The following AK5 variants were observed in gnomAD, a reference collection of about 807,000 sequenced individuals.
AK5 encodes adenylate kinase isoenzyme 5.
In AK5, 27 loss-of-function variants were observed where a neutral mutation model predicts 69.5. The observed-to-expected ratio is 0.39, with a 90% confidence interval of 0.29 to 0.54. The LOEUF (loss-of-function observed/expected upper bound fraction) is 0.54. Among genes scored for constraint, AK5 ranks in the 20% least tolerant of loss-of-function variants. The pLI is 0.71. For synonymous variants in AK5, 260 were observed against 244.4 expected (o/e 1.06, Z -0.60); for missense variants, 531 against 700.4 (o/e 0.76, Z 2.73).
chr1:77,545,147 A>T (rs542978512), intron 13 of AK5, among the ~76,000 whole-genome samples: 1 of 152,312 alleles, frequency 6.6e-6, no homozygotes, highest in East Asian at 1.9e-4. Context: ...AATGCCCTTC[A>T]CAACCTTGCC....
chr1:77,417,127 G>A (rs1024447925), intron 7 of AK5, among the ~76,000 whole-genome samples: 17 of 152,168 alleles, frequency 1.1e-4, no homozygotes, highest in Admixed American at 3.3e-4. Flanking sequence ...GGAAAAACTC[G>A]AGTTTTCAGG....
chr1:77,541,622 A>AT, intron 13 of AK5, among the ~76,000 whole-genome samples: 1 of 152,210 alleles, frequency 6.6e-6, no homozygotes. Context: ...GAACTTCATT[A>AT]TAAGGTTAGA....
rs148203450 is a variant in AK5 at position 77,503,637 on chromosome 1, C to G, written c.1148-14927C>G. On this transcript the variant is annotated intron_variant, in intron 10 of 13. Transcript: ENST00000354567. ...GGGGTGGAGGCCGGGCACAGTGGCTCAAACCTATAATCCCAGCACTTTGGG... is the reference window on the plus strand; with the variant it reads ...GGGGTGGAGGCCGGGCACAGTGGCTGAAACCTATAATCCCAGCACTTTGGG... 6.1e-3 allele frequency among the ~76,000 whole-genome samples: 921 copies of G among 152,220 alleles called. 7 individuals carry two copies. The highest frequency in any genetic ancestry group is 0.021 in the African/African-American group (856 of 41,520).
intron 6 of AK5, among the ~76,000 whole-genome samples, chr1:77,382,161 C>A (rs1250147453): frequency 6.6e-6 from 1 of 151,684 alleles, no homozygotes; most frequent in Non-Finnish European, 1.5e-5. Flanking sequence ...TCCTTTCAAT[C>A]GTTTTCCCAT....
intron 5 of AK5, among the ~76,000 whole-genome samples, chr1:77,328,653 A>G (rs1264541226): frequency 1.3e-5 from 2 of 152,242 alleles, no homozygotes; most frequent in African/African-American, 2.4e-5. Context: ...TTTTAATGAT[A>G]TATTTTTGAA....
rs1426524279 is a variant in AK5, at chr1:77,444,351, T to TA, written c.1059+26636_1059+26637insA. Among the ~76,000 whole-genome samples, 4 of 56,904 alleles carry TA rather than the reference T, an allele frequency of 7.0e-5. 1 individual carries two copies. The highest frequency in any genetic ancestry group is 1.5e-4 in the African/African-American group (2 of 13,552). 37.3% of individuals were successfully genotyped at this position (56,904 alleles called of 152,430 possible). A position where few individuals can be genotyped will look rare whatever the true frequency, so the allele number is the denominator to read the frequency against. ...ATATATAGTATATATACACAATATA[T>TA]GTGTATATATAGTATAAATATATAC... On this transcript the variant is annotated intron_variant, in intron 8 of 13. Transcript: ENST00000354567.
chr1:77,477,727 T>C (rs918549475), intron 8 of AK5, among the ~76,000 whole-genome samples: 2 of 152,212 alleles, frequency 1.3e-5, no homozygotes, highest in Admixed American at 1.3e-4. Context: ...TTTTGCAGCA[T>C]TCATTTGTGA....
intron 10 of AK5, among the ~76,000 whole-genome samples, chr1:77,503,777 C>T (rs953077720): frequency 5.9e-5 from 9 of 151,954 alleles, no homozygotes; most frequent in East Asian, 5.8e-4. Context: ...TGGTGGCGGG[C>T]GCCTGCAATC....
intron 6 of AK5, among the ~76,000 whole-genome samples, chr1:77,365,685 C>T (rs751881353): frequency 3.9e-5 from 6 of 152,204 alleles, no homozygotes; most frequent in Non-Finnish European, 8.8e-5. Context: ...AATGGCACTG[C>T]TGATCTGACA....
intron 8 of AK5, among the ~76,000 whole-genome samples, chr1:77,419,840 AT>A (rs1337804307): frequency 1.3e-5 from 2 of 152,158 alleles, no homozygotes; most frequent in Non-Finnish European, 2.9e-5. Flanking sequence ...ATAGTTGAGA[AT>A]TTTACAGAGA....
At chr1:77,548,297 T>G (rs1001961872) in intron 13 of AK5, among the ~76,000 whole-genome samples, 1 of 152,186 alleles carries the variant, frequency 6.6e-6, no homozygotes, top group African/African-American at 2.4e-5. Flanking sequence ...AGGAGAACTG[T>G]GTGGCCTGAC....
intron 12 of AK5, among the ~76,000 whole-genome samples, chr1:77,529,334 G>GTTTTTTTTTTTTTTTTT (rs935476152): frequency 3.9e-4 from 54 of 138,016 alleles, no homozygotes; most frequent in African/African-American, 1.4e-3. Context: ...CGTTTTATAG[G>GTTTTTTTTTTTTTTTTT]TTTTTTTTTT....
At chr1:77,530,920 G>A (rs1330515611) in intron 12 of AK5, among the ~76,000 whole-genome samples, 1 of 152,110 alleles carries the variant, frequency 6.6e-6, no homozygotes, top group Non-Finnish European at 1.5e-5. Context: ...TTGCTGGAAT[G>A]ACCAAAGCAA....
chr1:77,558,475 T>G, intron 13 of AK5, 127 bp from the exon 14 acceptor site: 1 of 531,714 alleles, frequency 1.9e-6, no homozygotes, highest in Non-Finnish European at 3.3e-6. Flanking sequence ...TTCTCTGTGT[T>G]TTGGGGGGGG....
At chr1:77,519,073 C>G (rs1219004426) in intron 11 of AK5, among the ~76,000 whole-genome samples, 1 of 152,168 alleles carries the variant, frequency 6.6e-6, no homozygotes, top group East Asian at 1.9e-4. Context: ...TAGAAACCCC[C>G]AGAAAATATA....
intron 5 of AK5, among the ~76,000 whole-genome samples, chr1:77,332,131 C>T (rs61785661): frequency 0.36 from 54,018 of 151,908 alleles, 9,891 homozygotes; most frequent in South Asian, 0.47. Flanking sequence ...TATAACATTT[C>T]CAAATTGTTT....
In AK5 at chr1:77,417,692, A is replaced by G. The variant is rs112387891; in HGVS notation, c.1036A>G (p.Thr346Ala). 2 of 1,604,758 alleles carry G rather than the reference A, an allele frequency of 1.2e-6. No homozygotes were observed. Among genetic ancestry groups the G allele is most frequent in the Admixed American group, 1.7e-5 (1 of 59,706 alleles). The change falls in exon 8 of 14, where the codon ACA (threonine) becomes GCA (alanine). Residue 346 changes from threonine (T) to alanine (A), a missense_variant. By Grantham distance (58) the Thr-to-Ala change is moderately conservative. Coordinates refer to ENST00000354567, the MANE Select transcript of AK5 (RefSeq NM_174858.3). ...MILDTGEIIDTGSDYEDQGDD... is the reference protein window; with the variant it reads ...MILDTGEIIDAGSDYEDQGDD... The stretch of plus-strand genomic sequence containing the variant: ...ATTGGACACTGGAGAGATCATTGAT[A>G]CAGGATCTGATTATGAAGATCAGGT...
chr1:77,475,157 G>T (rs1654767198), intron 8 of AK5, among the ~76,000 whole-genome samples: 1 of 78,964 alleles, frequency 1.3e-5, no homozygotes, highest in Admixed American at 2.0e-4. Flanking sequence ...AGGAGTATGT[G>T]TGTGTGCATG....
chr1:77,348,516 A>C (rs1662027984), intron 6 of AK5, among the ~76,000 whole-genome samples: 1 of 152,248 alleles, frequency 6.6e-6, no homozygotes. Flanking sequence ...TAATAAAAAA[A>C]AAATTCTGAT....
Sources: allele counts gnomAD v4.1 joint callset (sites outside exome capture counted in the v4.1 genomes callset), GRCh38; gene constraint gnomAD v4.1.1; transcripts MANE v1.5; gene names NCBI Gene and HGNC (gene_info 2026-07-23, HGNC 2026-07-21).